The following RPTOR variants were observed in gnomAD, a reference collection of about 807,000 sequenced individuals.
The protein encoded by RPTOR is regulatory-associated protein of mTOR.
Under a neutral mutation model 169.9 loss-of-function variants are expected in RPTOR, and 21 were observed. The ratio of observed to expected loss-of-function variants is 0.12; its 90% CI spans 0.09 to 0.18. The LOEUF is 0.18. Among genes scored for constraint, RPTOR ranks in the 10% least tolerant of loss-of-function variants. The pLI, the probability that RPTOR is intolerant of heterozygous loss-of-function variation, is 1.00. For synonymous variants in RPTOR, 732 were observed against 753.2 expected (o/e 0.97, Z 0.46); for missense variants, 1,133 against 1,855.9 (o/e 0.61, Z 7.16).
chr17:80,656,199 T>C, intron 3 of RPTOR, among the ~76,000 whole-genome samples: 1 of 152,086 alleles, frequency 6.6e-6, no homozygotes, highest in Non-Finnish European at 1.5e-5. Flanking sequence ...GCCTCCCGAG[T>C]AGCTGAGATT....
At position 80,728,446 on chromosome 17, in the gene RPTOR, G is replaced by GGTGTGTGTGTGTGTGTGTGTGTGTGTGT. The variant is rs71367012; in HGVS notation, c.508-2088_508-2087insGTGTGTGTGTGTGTGTGTGTGTGTGTGT. ...CATTTAGGTTTTCAGTCCACTCTGG[G>GGTGTGTGTGTGTGTGTGTGTGTGTGTGT]GTGTGTGTGTGTGTGTGTGTGTGTG... On this transcript the variant is annotated intron_variant, in intron 4 of 33. Transcript: ENST00000306801. 1.2e-3 allele frequency among the ~76,000 whole-genome samples: 175 copies of GGTGTGTGTGTGTGTGTGTGTGTGTGTGT among 148,274 alleles called. 1 individual carries two copies. Among genetic ancestry groups the GGTGTGTGTGTGTGTGTGTGTGTGTGTGT allele is most frequent in the South Asian group, 4.1e-3 (19 of 4,606 alleles).
At chr17:80,869,198 C>G (rs1037601620) in intron 13 of RPTOR, among the ~76,000 whole-genome samples, 6 of 152,144 alleles carry the variant, frequency 3.9e-5, no homozygotes, top group Non-Finnish European at 8.8e-5. Flanking sequence ...CTCACTCTGT[C>G]GCCCAGGCTG....
intron 20 of RPTOR, among the ~76,000 whole-genome samples, chr17:80,905,205 T>C (rs971621674): frequency 6.6e-6 from 1 of 152,134 alleles, no homozygotes; most frequent in South Asian, 2.1e-4. Context: ...GTATTACTTT[T>C]TGTTTTGTTT....
chr17:80,739,186 G>A (rs1255020000), intron 5 of RPTOR, among the ~76,000 whole-genome samples: 3 of 102,606 alleles, frequency 2.9e-5, no homozygotes, highest in African/African-American at 7.8e-5. Flanking sequence ...CCGCCCCGAC[G>A]CGGAGGCAGA....
intron 2 of RPTOR, among the ~76,000 whole-genome samples, chr17:80,636,287 C>T (rs140090791): frequency 1.3e-5 from 2 of 152,180 alleles, no homozygotes; most frequent in East Asian, 1.9e-4. Context: ...ATCACAACAC[C>T]TCAAACACCC....
chr17:80,597,969 A>G (rs2065156350), intron 1 of RPTOR, among the ~76,000 whole-genome samples: 1 of 152,074 alleles, frequency 6.6e-6, no homozygotes, highest in Non-Finnish European at 1.5e-5. Context: ...GTGAAATGCC[A>G]TCTCTACAAA....
intron 3 of RPTOR, among the ~76,000 whole-genome samples, chr17:80,669,326 A>G (rs2065804369): frequency 6.6e-6 from 1 of 152,260 alleles, no homozygotes; most frequent in Non-Finnish European, 1.5e-5. Flanking sequence ...TGCTGCATTA[A>G]TAGCACCAGT....
Position 80,754,245 on chromosome 17 carries a change from C to T in RPTOR, c.830+60C>T. 6.7e-7 allele frequency: 1 copy of T among 1,487,788 alleles called. No homozygotes were observed. The highest frequency in any genetic ancestry group is 9.0e-7 in the Non-Finnish European group (1 of 1,108,122). 92.2% of individuals were successfully genotyped at this position (1,487,788 alleles called of 1,614,324 possible). A position where few individuals can be genotyped will look rare whatever the true frequency, so the allele number is the denominator to read the frequency against. ...CAACTGGGCTCTCCCGCAGGGACCC[C>T]AACCCATGTGGGCCCCAGGCATTCA... On this transcript the variant is annotated intron_variant, in intron 6 of 33. Coordinates refer to ENST00000306801, the MANE Select transcript of RPTOR (RefSeq NM_020761.3). This position sits in a 1 kb window ranked among gnomAD's most constrained non-coding sequence, Gnocchi z 4.2.
At chr17:80,654,625 A>G (rs9908523) in intron 3 of RPTOR, among the ~76,000 whole-genome samples, 2,034 of 152,324 alleles carry the variant, frequency 0.013, 61 homozygotes, top group African/African-American at 0.046. Flanking sequence ...AAAGGGTTGC[A>G]TGTGTGGCAG....
intron 4 of RPTOR, among the ~76,000 whole-genome samples, chr17:80,711,403 C>CA (rs972208575): frequency 6.6e-6 from 1 of 152,112 alleles, no homozygotes; most frequent in Non-Finnish European, 1.5e-5. Flanking sequence ...TTGAAAGATG[C>CA]AGACATCCTG....
intron 6 of RPTOR, among the ~76,000 whole-genome samples, chr17:80,785,409 A>G (rs1403492426): frequency 6.6e-6 from 1 of 152,242 alleles, no homozygotes; most frequent in African/African-American, 2.4e-5. Flanking sequence ...GGTCTTCAGT[A>G]TATCTTGATG....
At chr17:80,925,316 C>A in intron 23 of RPTOR, 54 bp from the exon 24 acceptor site, 1 of 1,475,958 alleles carries the variant, frequency 6.8e-7, no homozygotes, top group Non-Finnish European at 9.4e-7. Context: ...TCAGGAGTGG[C>A]ATGACTGACT....
chr17:80,661,734 G>C (rs1396369722), intron 3 of RPTOR, among the ~76,000 whole-genome samples: 2 of 151,964 alleles, frequency 1.3e-5, no homozygotes, highest in Non-Finnish European at 2.9e-5. Flanking sequence ...TCTTAGGATG[G>C]CGCATGAGAG....
At chr17:80,640,914 A>G (rs1295670747) in intron 2 of RPTOR, among the ~76,000 whole-genome samples, 1 of 152,236 alleles carries the variant, frequency 6.6e-6, no homozygotes, top group Non-Finnish European at 1.5e-5. Context: ...GCGGGCCGCG[A>G]CCATGCTGGT....
intron 11 of RPTOR, among the ~76,000 whole-genome samples, chr17:80,847,823 C>T (rs1268665978): frequency 3.3e-5 from 5 of 152,208 alleles, no homozygotes; most frequent in South Asian, 2.1e-4. Context: ...TGGTTAGGGC[C>T]GCTCACCACA....
chr17:80,583,182 G>GTTTTTTTTTTTTTTTTT (rs1166711662), intron 1 of RPTOR, among the ~76,000 whole-genome samples: 5 of 79,268 alleles, frequency 6.3e-5, no homozygotes, highest in Non-Finnish European at 9.8e-5. Context: ...CCTCTTTCCT[G>GTTTTTTTTTTTTTTTTT]TTTTTTTTTT....
chr17:80,956,496 G>T (rs1269957139), intron 28 of RPTOR, among the ~76,000 whole-genome samples: 1 of 152,256 alleles, frequency 6.6e-6, no homozygotes, highest in Non-Finnish European at 1.5e-5. Flanking sequence ...CTGTCTGAAG[G>T]CTGCCGGCCC....
At chr17:80,873,867 C>T (rs1037237621) in intron 13 of RPTOR, among the ~76,000 whole-genome samples, 1 of 152,192 alleles carries the variant, frequency 6.6e-6, no homozygotes, top group Non-Finnish European at 1.5e-5. Context: ...GACAGTGCGT[C>T]AGGCCCGGCA....
rs3751939 is a variant in RPTOR, at chr17:80,964,060, C to T, written c.3940-202C>T. The stretch of plus-strand genomic sequence containing the variant: ...CCACGCAGGGCCCGGGGCAGCGCCA[C>T]GCCCCTCACGGAGTGCACCATGCAT... On this transcript the variant is annotated intron_variant, in intron 33 of 33. Transcript: ENST00000306801. 2.0e-4 allele frequency among the ~76,000 whole-genome samples: 30 copies of T among 152,292 alleles called. No homozygotes were observed. In the East Asian group the frequency reaches 2.9e-3, roughly 15 times the overall value.
Sources: allele counts gnomAD v4.1 joint callset (sites outside exome capture counted in the v4.1 genomes callset), GRCh38; gene constraint gnomAD v4.1.1; non-coding constraint Gnocchi (gnomAD v3.1); transcripts MANE v1.5; gene names NCBI Gene and HGNC (gene_info 2026-07-23, HGNC 2026-07-21).